The following PRDM5 variants were observed in gnomAD, a reference collection of about 807,000 sequenced individuals.
The protein encoded by PRDM5 is PR/SET domain 5.
In PRDM5, 56 loss-of-function variants were observed where a neutral mutation model predicts 81.2. That is an observed-to-expected ratio of 0.69 (90% CI 0.56 to 0.86). The LOEUF (loss-of-function observed/expected upper bound fraction) is 0.86. PRDM5 is among the 40% of genes least tolerant of loss of function. The pLI, the probability that PRDM5 is intolerant of heterozygous loss-of-function variation, is 0.00. For missense variants in PRDM5, 697 were observed against 770.1 expected, an observed-to-expected ratio of 0.91 and a Z score of 1.12; for synonymous variants, 267 against 256.4, an observed-to-expected ratio of 1.04 and a Z score of -0.39.
chr4:120,730,261 G>A (rs1740049484), intron 14 of PRDM5, among the ~76,000 whole-genome samples: 1 of 152,022 alleles, frequency 6.6e-6, no homozygotes, highest in Non-Finnish European at 1.5e-5. Context: ...TTATCTTAAT[G>A]GTTGGCACAT....
chr4:120,899,230 C>A (rs1043240592), intron 2 of PRDM5, among the ~76,000 whole-genome samples: 4 of 152,120 alleles, frequency 2.6e-5, no homozygotes, highest in Admixed American at 2.6e-4. Flanking sequence ...GTGCCCATCC[C>A]CATGCTGTAT....
chr4:120,842,155 T>C (rs1475362558), intron 3 of PRDM5, among the ~76,000 whole-genome samples: 3 of 152,212 alleles, frequency 2.0e-5, no homozygotes, highest in Non-Finnish European at 2.9e-5. Context: ...GTAAAAAGAC[T>C]TTTGACATTA....
At chr4:120,709,053 T>C (rs1014838214) in intron 15 of PRDM5, among the ~76,000 whole-genome samples, 1 of 152,102 alleles carries the variant, frequency 6.6e-6, no homozygotes, top group African/African-American at 2.4e-5. Flanking sequence ...GCTTGTAACA[T>C]CATAGTTTCA....
intron 15 of PRDM5, among the ~76,000 whole-genome samples, chr4:120,696,666 GGCTATACT>G: frequency 6.6e-6 from 1 of 151,986 alleles, no homozygotes; most frequent in Non-Finnish European, 1.5e-5. Context: ...TGTAAATAAG[GGCTATACT>G]GCAGACACTC....
At chr4:120,700,723 C>T (rs1177385451) in intron 15 of PRDM5, among the ~76,000 whole-genome samples, 1 of 152,088 alleles carries the variant, frequency 6.6e-6, no homozygotes, top group Non-Finnish European at 1.5e-5. Flanking sequence ...CAAAAGAAGA[C>T]ATATAAGTGG....
At position 120,889,617 on chromosome 4, in the gene PRDM5, A is replaced by T. The variant is rs140727924; in HGVS notation, c.177+17857T>A. The stretch of plus-strand genomic sequence containing the variant: ...TTTAGGTTCAGGGACATATGCACAC[A>T]CAAGTTTCTTATATAGATAAACTGT... On this transcript the variant is annotated intron_variant, in intron 2 of 15. Transcript: ENST00000264808. 3.3e-3 allele frequency among the ~76,000 whole-genome samples: 502 copies of T among 152,328 alleles called. 2 individuals are homozygous for T. The highest frequency in any genetic ancestry group is 5.1e-3 in the Non-Finnish European group (345 of 68,034).
chr4:120,765,716 G>A (rs561742260), intron 13 of PRDM5, among the ~76,000 whole-genome samples: 1 of 152,232 alleles, frequency 6.6e-6, no homozygotes, highest in African/African-American at 2.4e-5. Context: ...TTCTATAGAT[G>A]ATCTATATTC....
chr4:120,834,839 C>T (rs955694640), intron 3 of PRDM5, among the ~76,000 whole-genome samples: 2 of 152,152 alleles, frequency 1.3e-5, no homozygotes, highest in African/African-American at 2.4e-5. Flanking sequence ...TTCATGCCCT[C>T]AGACTCAAAT....
intron 2 of PRDM5, among the ~76,000 whole-genome samples, chr4:120,862,142 A>G (rs1760677706): frequency 6.6e-6 from 1 of 152,200 alleles, no homozygotes; most frequent in South Asian, 2.1e-4. Flanking sequence ...GGTAATTCTC[A>G]TAATCATCCA....
Position 120,695,197 on chromosome 4 carries a change from C to G in PRDM5, c.1807G>C (p.Glu603Gln), listed in dbSNP as rs779319300. The change falls in exon 16 of 16, where the codon GAA (glutamate) becomes CAA (glutamine). Residue 603 changes from glutamate (E) to glutamine (Q), a missense_variant. By Grantham distance (29) the Glu-to-Gln change is conservative. This residue lies in a region of PRDM5 where 86 missense variants were observed against 135.2 expected (regional missense o/e 0.64). Transcript: ENST00000264808. ...MTHNPNRPLAECQFCHKKFTR... is the reference protein window; with the variant it reads ...MTHNPNRPLAQCQFCHKKFTR... The stretch of plus-strand genomic sequence containing the variant: ...AACTTCTTATGGCAAAACTGGCATT[C>G]TGCCAGGGGACGATTGGGATTATGA... The G allele has an allele frequency of 2.5e-6, 4 of 1,613,586 alleles. No individual in the cohort carries two copies. The Admixed American group carries it at 6.7e-5, about 27-fold the overall frequency.
intron 11 of PRDM5, 131 bp from the exon 12 acceptor site, chr4:120,781,434 T>C: frequency 1.2e-6 from 1 of 805,506 alleles, no homozygotes; most frequent in Non-Finnish European, 2.1e-6. Context: ...TTTTTATTTT[T>C]TACAACAAAT....
At chr4:120,772,609 G>A (rs138360396) in intron 13 of PRDM5, among the ~76,000 whole-genome samples, 106 of 152,316 alleles carry the variant, frequency 7.0e-4, no homozygotes, top group African/African-American at 2.4e-3. Flanking sequence ...AAATCAAGAC[G>A]GAAATGGCCC....
intron 15 of PRDM5, among the ~76,000 whole-genome samples, chr4:120,700,689 C>T (rs1735211278): frequency 6.6e-6 from 1 of 152,068 alleles, no homozygotes; most frequent in Non-Finnish European, 1.5e-5. Flanking sequence ...TATATTATTG[C>T]AAGAGACATT....
rs199700983 is a variant in PRDM5 at position 120,886,662 on chromosome 4, GTAT to G, written c.177+20809_177+20811del. ...AAAAATAGCTATACATTTATGCAAT[GTAT>G]TTATTCAATATGAATGATTTGTTGA... is the stretch of plus-strand genomic sequence containing the variant. On this transcript the variant is annotated intron_variant, in intron 2 of 15. Coordinates refer to ENST00000264808, the MANE Select transcript of PRDM5 (RefSeq NM_018699.4). Among the ~76,000 whole-genome samples, 1,362 of 152,148 alleles carry G rather than the reference GTAT, an allele frequency of 9.0e-3. 17 individuals carry two copies. Among genetic ancestry groups the G allele is most frequent in the South Asian group, 0.036 (175 of 4,816 alleles).
At chr4:120,701,830 A>C (rs1179934421) in intron 15 of PRDM5, among the ~76,000 whole-genome samples, 3 of 152,174 alleles carry the variant, frequency 2.0e-5, no homozygotes, top group African/African-American at 7.2e-5. Context: ...AGAAATTGAA[A>C]AAAAAATGGG....
At chr4:120,830,993 T>A (rs75868239) in intron 3 of PRDM5, among the ~76,000 whole-genome samples, 3,837 of 152,072 alleles carry the variant, frequency 0.025, 78 homozygotes, top group Non-Finnish European at 0.042. Context: ...GAGAAAAGAA[T>A]CAACAAAAAA....
chr4:120,752,425 G>A (rs1374654198), intron 14 of PRDM5, among the ~76,000 whole-genome samples: 1 of 152,142 alleles, frequency 6.6e-6, no homozygotes, highest in African/African-American at 2.4e-5. Context: ...AATCCTGGGT[G>A]CTTCTGGTCT....
chr4:120,876,698 T>G (rs1762362826), intron 2 of PRDM5, among the ~76,000 whole-genome samples: 1 of 152,176 alleles, frequency 6.6e-6, no homozygotes, highest in Non-Finnish European at 1.5e-5. Flanking sequence ...TTTTATAAGC[T>G]TTATTTACCA....
intron 8 of PRDM5, among the ~76,000 whole-genome samples, chr4:120,800,128 T>C (rs892707547): frequency 3.9e-5 from 6 of 152,176 alleles, no homozygotes; most frequent in African/African-American, 1.4e-4. Context: ...CCAACAATAT[T>C]TTAAACTTAA....
Sources: gnomAD v4.1 joint callset for allele counts (sites outside exome capture counted in the v4.1 genomes callset) on GRCh38, gnomAD v4.1.1 for gene constraint, gnomAD v4.1.1 regional missense constraint, MANE v1.5 for transcripts, NCBI Gene and HGNC (gene_info 2026-07-23, HGNC 2026-07-21) for gene names.